The following TBC1D19 variants were observed in gnomAD, a reference collection of about 807,000 sequenced individuals.
TBC1D19 encodes the protein TBC1 domain family, member 19.
Under a neutral mutation model 89.0 loss-of-function variants are expected in TBC1D19, and 60 were observed. The ratio of observed to expected loss-of-function variants is 0.67; its 90% CI spans 0.55 to 0.84. TBC1D19 has a LOEUF of 0.84. TBC1D19 is among the 40% of genes least tolerant of loss of function. The pLI is 0.00. For missense variants in TBC1D19, 500 were observed against 610.8 expected (o/e 0.82, Z 1.91); for synonymous variants, 189 against 199.7 (o/e 0.95, Z 0.45).
the TBC1D19 span, among the ~76,000 whole-genome samples, chr4:26,815,613 A>G: frequency 6.6e-6 from 1 of 152,200 alleles, no homozygotes; most frequent in Non-Finnish European, 1.5e-5. Context: ...AATGGTTTAA[A>G]TGCTCTTCCT....
At chr4:26,826,974 G>C in the TBC1D19 span, among the ~76,000 whole-genome samples, 46 of 152,260 alleles carry the variant, frequency 3.0e-4, no homozygotes, top group African/African-American at 1.0e-3. Context: ...CCCTAAACTG[G>C]TTACATAATA....
chr4:26,611,898 G>A (rs1465896168), intron 1 of TBC1D19, among the ~76,000 whole-genome samples: 1 of 151,932 alleles, frequency 6.6e-6, no homozygotes, highest in Non-Finnish European at 1.5e-5. Flanking sequence ...TCAGTTTTAA[G>A]AATTTATAGG....
the TBC1D19 span, among the ~76,000 whole-genome samples, chr4:26,823,710 T>C: frequency 6.6e-6 from 1 of 152,240 alleles, no homozygotes; most frequent in Non-Finnish European, 1.5e-5. Context: ...CAATAAATTA[T>C]CTTTGCTGCT....
chr4:26,577,864 T>C (rs1272309819), intron 1 of TBC1D19, among the ~76,000 whole-genome samples: 1 of 152,272 alleles, frequency 6.6e-6, no homozygotes, highest in Admixed American at 6.5e-5. Flanking sequence ...AACCTTTTTA[T>C]ATTATAATAA....
chr4:26,631,774 C>T (rs1742821592), intron 4 of TBC1D19, among the ~76,000 whole-genome samples: 1 of 152,068 alleles, frequency 6.6e-6, no homozygotes, highest in Non-Finnish European at 1.5e-5. Flanking sequence ...TAATGACACA[C>T]ATCTTATAGG....
intron 18 of TBC1D19, 117 bp downstream of exon 18, chr4:26,742,716 C>A: frequency 1.6e-6 from 1 of 609,824 alleles, no homozygotes; most frequent in Non-Finnish European, 2.7e-6. Flanking sequence ...TAACAGTTTT[C>A]CTAATAAAAC....
the TBC1D19 span, among the ~76,000 whole-genome samples, chr4:26,855,839 T>C: frequency 6.6e-6 from 1 of 152,372 alleles, no homozygotes; most frequent in South Asian, 2.1e-4. Flanking sequence ...ACAGACATTA[T>C]GAATGTTTTT....
the TBC1D19 span, among the ~76,000 whole-genome samples, chr4:26,833,924 T>G: frequency 4.6e-5 from 7 of 152,224 alleles, no homozygotes; most frequent in African/African-American, 7.2e-5. Flanking sequence ...ATGGTTTGGA[T>G]CTGTGTCCCT....
rs557531154 is a variant in TBC1D19 at position 26,640,483 on chromosome 4, G to A, written c.480+296G>A. ...ACAGGCCCAGTCTGCAGCTCCCAGC[G>A]TGATCAACACAGAAGACGGGTGATT... On this transcript the variant is annotated intron_variant, in intron 7 of 20. Coordinates refer to ENST00000264866, the MANE Select transcript of TBC1D19 (RefSeq NM_018317.4). Among the ~76,000 whole-genome samples the A allele has an allele frequency of 1.1e-3, 162 of 152,318 alleles. 6 individuals are homozygous for A. In the South Asian group the frequency reaches 0.033, roughly 31 times the overall value.
At chr4:26,846,600 A>G in the TBC1D19 span, among the ~76,000 whole-genome samples, 1 of 152,102 alleles carries the variant, frequency 6.6e-6, no homozygotes, top group African/African-American at 2.4e-5. Flanking sequence ...AATGGAGTCA[A>G]ATTTATCAGT....
At position 26,673,879 on chromosome 4, in the gene TBC1D19, C is replaced by A; in HGVS notation, c.807C>A (p.Ser269Arg). 1 of 1,592,586 alleles carries A rather than the reference C, an allele frequency of 6.3e-7. No individual in the cohort carries two copies. The highest frequency in any genetic ancestry group is 8.6e-7 in the Non-Finnish European group (1 of 1,166,982). ...GGGCTCTCATTTTGAATATTTCCAG[C>A]CAACCTGAGGTAAGAAGAAAAAAAG... ...ELWALILNIS[S>R]QPEDVLYYEQ... Residue 269 changes from serine (S) to arginine (R), a missense_variant, in exon 11 of 21, where the codon AGC becomes AGA. Coordinates refer to ENST00000264866, the MANE Select transcript of TBC1D19 (RefSeq NM_018317.4).
At chr4:26,817,981 A>AAAAAATATATAT in the TBC1D19 span, among the ~76,000 whole-genome samples, 3 of 126,078 alleles carry the variant, frequency 2.4e-5, no homozygotes, top group African/African-American at 1.1e-4. Context: ...AAAAAAAAAA[A>AAAAAATATATAT]ATATATATAT....
chr4:26,602,929 A>G (rs1236428299), intron 1 of TBC1D19, among the ~76,000 whole-genome samples: 5 of 152,252 alleles, frequency 3.3e-5, no homozygotes, highest in Non-Finnish European at 7.3e-5. Flanking sequence ...GCATACAGAA[A>G]TAAGATGGTT....
intron 13 of TBC1D19, among the ~76,000 whole-genome samples, chr4:26,717,453 G>A (rs1716700110): frequency 2.6e-5 from 4 of 151,856 alleles, no homozygotes; most frequent in Admixed American, 2.6e-4. Context: ...CCCTTTATTA[G>A]GCAACCACTT....
At chr4:26,673,927 G>T in intron 11 of TBC1D19, 39 bp downstream of exon 11, 1 of 1,260,740 alleles carries the variant, frequency 7.9e-7, no homozygotes, top group South Asian at 1.5e-5. Flanking sequence ...TTTAGCTTTG[G>T]GGTATTTATT....
chr4:26,848,718 T>C, the TBC1D19 span, among the ~76,000 whole-genome samples: 72 of 152,224 alleles, frequency 4.7e-4, no homozygotes, highest in Admixed American at 4.5e-3. Context: ...TTTATAACAG[T>C]AAGCTGCTAG....
chr4:26,637,434 G>A (rs1003016790), intron 5 of TBC1D19, 149 bp downstream of exon 5: 27 of 556,628 alleles, frequency 4.9e-5, no homozygotes, highest in African/African-American at 1.2e-4. Context: ...GTGCAGTGGC[G>A]CGATCTTGGC....
At chr4:26,835,649 C>T in the TBC1D19 span, among the ~76,000 whole-genome samples, 1 of 152,130 alleles carries the variant, frequency 6.6e-6, no homozygotes, top group Non-Finnish European at 1.5e-5. Context: ...TTGCCATAAC[C>T]TAGTCTCAGC....
intron 7 of TBC1D19, among the ~76,000 whole-genome samples, chr4:26,642,814 A>G (rs1743639360): frequency 8.2e-6 from 1 of 121,912 alleles, no homozygotes; most frequent in African/African-American, 2.5e-5. Context: ...TAAACAAACA[A>G]AGATCAAAAG....
Sources: gnomAD v4.1 joint callset for allele counts (sites outside exome capture counted in the v4.1 genomes callset) on GRCh38, gnomAD v4.1.1 for gene constraint, MANE v1.5 for transcripts, NCBI Gene and HGNC (gene_info 2026-07-23, HGNC 2026-07-21) for gene names.